Variants in MARCHF6 observed in about 807,000 individuals in gnomAD.
MARCHF6 encodes E3 ubiquitin-protein ligase MARCHF6.
In MARCHF6, 31 loss-of-function variants were observed where a neutral mutation model predicts 133.7. The ratio of observed to expected loss-of-function variants is 0.23; its 90% CI spans 0.17 to 0.31. The LOEUF (loss-of-function observed/expected upper bound fraction) is 0.31. MARCHF6 is among the 10% of genes least tolerant of loss of function. MARCHF6 has a pLI of 1.00. For synonymous variants in MARCHF6, 395 were observed against 402.5 expected, an observed-to-expected ratio of 0.98 and a Z score of 0.22; for missense variants, 723 against 1,121.6, an observed-to-expected ratio of 0.64 and a Z score of 5.08.
rs372771778 is a variant in MARCHF6, at chr5:10,378,724, A to G, written c.117-35A>G. 3.9e-4 allele frequency: 501 copies of G among 1,281,094 alleles called. 3 individuals carry two copies. The Middle Eastern group carries it at 8.2e-3, about 21-fold the overall frequency. The allele number at this position is 1,281,094 out of a possible 1,614,324, so 79.4% of individuals were successfully genotyped here. On this transcript the variant is annotated intron_variant, in intron 2 of 25. Coordinates refer to ENST00000274140, the MANE Select transcript of MARCHF6 (RefSeq NM_005885.4). The stretch of plus-strand genomic sequence containing the variant: ...CAAAACTGTAATGTTTCTTTGCTGT[A>G]AACACTGTACTTATGAATCTATTTA...
rs1200205068 is a variant in MARCHF6 at position 10,437,756 on chromosome 5, G to A, written c.*4072G>A. On this transcript the variant is annotated 3_prime_UTR_variant, in exon 26 of 26. Transcript: ENST00000274140. ...CTTAGGGTACCCAGACCAATTTTAT[G>A]TATATATATTCTGAAATGCTCCCTT... 1 of 152,160 alleles carries A rather than the reference G, an allele frequency of 6.6e-6. No individual in the cohort carries two copies. The highest frequency in any genetic ancestry group is 1.9e-4 in the East Asian group (1 of 5,196). 9.4% of individuals were successfully genotyped at this position (152,160 alleles called of 1,614,324 possible). A position where few individuals can be genotyped will look rare whatever the true frequency, so the allele number is the denominator to read the frequency against.
chr5:10,376,548 C>G (rs1233766614), intron 1 of MARCHF6, among the ~76,000 whole-genome samples: 2 of 152,150 alleles, frequency 1.3e-5, no homozygotes, highest in African/African-American at 4.8e-5. Context: ...TAATCAATAA[C>G]CAGGGAGATT....
intron 24 of MARCHF6, 38 bp from the exon 25 acceptor site, chr5:10,429,855 T>G: frequency 6.3e-7 from 1 of 1,579,312 alleles, no homozygotes; most frequent in Non-Finnish European, 8.7e-7. Flanking sequence ...CACTGTTATT[T>G]CACATACACT....
chr5:10,406,517 G>A (rs1486680529), intron 16 of MARCHF6, among the ~76,000 whole-genome samples: 2 of 151,488 alleles, frequency 1.3e-5, no homozygotes, highest in Non-Finnish European at 2.9e-5. Flanking sequence ...AGCCTCCCAA[G>A]TAGCTGGGAT....
Position 10,364,038 on chromosome 5 carries a change from G to A in MARCHF6, c.19+10121G>A, listed in dbSNP as rs974668030. On this transcript the variant is annotated intron_variant, in intron 1 of 25. Coordinates refer to ENST00000274140, the MANE Select transcript of MARCHF6 (RefSeq NM_005885.4). Reference sequence around the variant, plus strand: ...TCTAAAAGATTATGGTGATGGTTGCGTAACTGTAAATATACTTAAAACAAT... The same window carrying A: ...TCTAAAAGATTATGGTGATGGTTGCATAACTGTAAATATACTTAAAACAAT... Among the ~76,000 whole-genome samples the A allele has an allele frequency of 3.9e-5, 6 of 152,294 alleles. No individual in the cohort carries two copies. In the East Asian group the frequency reaches 5.8e-4, roughly 15 times the overall value.
rs1740736596 is a variant in MARCHF6, at chr5:10,438,615, C to T, written c.*4931C>T. 6.6e-6 allele frequency: 1 copy of T among 152,164 alleles called. No homozygotes were observed. The highest frequency in any genetic ancestry group is 1.5e-5 in the Non-Finnish European group (1 of 68,046). 9.4% of individuals were successfully genotyped at this position (152,164 alleles called of 1,614,324 possible). On this transcript the variant is annotated 3_prime_UTR_variant, in exon 26 of 26. Coordinates refer to ENST00000274140, the MANE Select transcript of MARCHF6 (RefSeq NM_005885.4). ...GAGAGGGTAACGTTCCCCTCCTCCT[C>T]CATGTTTTTATTTTGGTGTCTGTTT...
chr5:10,407,295 A>G (rs887407445), intron 17 of MARCHF6, 93 bp downstream of exon 17: 3 of 526,796 alleles, frequency 5.7e-6, no homozygotes, highest in Non-Finnish European at 9.6e-6. Context: ...CATTTCTTAT[A>G]GTTACTGGAA....
In MARCHF6 at chr5:10,397,622, T is replaced by C. The variant is rs557700885; in HGVS notation, c.913+278T>C. 3.9e-5 allele frequency among the ~76,000 whole-genome samples: 6 copies of C among 152,210 alleles called. No individual in the cohort carries two copies. The South Asian group carries it at 1.0e-3, about 26-fold the overall frequency. ...CTGGTTTTAGACCGACTTGAAAATA[T>C]ACAGTTTCCCATTTCTGGAATTAGT... On this transcript the variant is annotated intron_variant, in intron 10 of 25. Coordinates refer to ENST00000274140, the MANE Select transcript of MARCHF6 (RefSeq NM_005885.4).
intron 6 of MARCHF6, 91 bp downstream of exon 6, chr5:10,390,591 C>A: frequency 8.4e-7 from 1 of 1,197,422 alleles, no homozygotes; most frequent in South Asian, 1.5e-5. Flanking sequence ...CTTCCATGTC[C>A]CTCATAAACA....
intron 4 of MARCHF6, among the ~76,000 whole-genome samples, chr5:10,386,739 A>C (rs1737503680): frequency 6.6e-6 from 1 of 152,234 alleles, no homozygotes; most frequent in South Asian, 2.1e-4. Flanking sequence ...AAGCTCATTC[A>C]ATAAAAAAAA....
At chr5:10,394,912 G>A in intron 9 of MARCHF6, 127 bp downstream of exon 9, 1 of 574,932 alleles carries the variant, frequency 1.7e-6, no homozygotes, top group South Asian at 2.0e-5. Context: ...CCATTCTCCT[G>A]CCTCAGCTTT....
At chr5:10,357,673 T>C (rs1273743326) in intron 1 of MARCHF6, among the ~76,000 whole-genome samples, 2 of 152,222 alleles carry the variant, frequency 1.3e-5, no homozygotes, top group African/African-American at 4.8e-5. Flanking sequence ...TGCATGTTTC[T>C]TACCACGCAT....
chr5:10,399,984 G>GT (rs1738427250), intron 10 of MARCHF6, among the ~76,000 whole-genome samples: 1 of 152,070 alleles, frequency 6.6e-6, no homozygotes, highest in African/African-American at 2.4e-5. Context: ...AGATCTAAGG[G>GT]CCTTATTAGA....
intron 14 of MARCHF6, 142 bp from the exon 15 acceptor site, chr5:10,403,265 C>T (rs564985665): frequency 1.1e-5 from 8 of 702,528 alleles, no homozygotes; most frequent in East Asian, 2.7e-5. Context: ...TCTGTGACAC[C>T]GTGGAATGAC....
At chr5:10,373,420 G>A (rs887884869) in intron 1 of MARCHF6, among the ~76,000 whole-genome samples, 12 of 152,230 alleles carry the variant, frequency 7.9e-5, no homozygotes, top group Admixed American at 7.8e-4. Flanking sequence ...AGTGTGCCCT[G>A]GAGTTTGCCA....
intron 25 of MARCHF6, among the ~76,000 whole-genome samples, chr5:10,432,933 C>A: frequency 6.9e-6 from 1 of 144,550 alleles, no homozygotes; most frequent in Non-Finnish European, 1.5e-5. Context: ...GACGGAGTCA[C>A]ACTCTGTCAC....
chr5:10,398,682 C>G lies in MARCHF6; in HGVS notation c.913+1338C>G, dbSNP rs183255847. Among the ~76,000 whole-genome samples, 160 of 152,038 alleles carry G rather than the reference C, an allele frequency of 1.1e-3. 1 individual carries two copies. Among genetic ancestry groups the G allele is most frequent in the African/African-American group, 3.8e-3 (157 of 41,496 alleles). ...AATTAATGTTTGGAGAACCAGGTCA[C>G]ATTTAAAACATGAATTATACAAATA... On this transcript the variant is annotated intron_variant, in intron 10 of 25. Coordinates refer to ENST00000274140, the MANE Select transcript of MARCHF6 (RefSeq NM_005885.4).
chr5:10,359,769 C>T (rs1012864855), intron 1 of MARCHF6, among the ~76,000 whole-genome samples: 8 of 152,238 alleles, frequency 5.3e-5, no homozygotes, highest in Middle Eastern at 3.4e-3. Flanking sequence ...CTTTCGGAGG[C>T]GGTGGCAGGC....
intron 24 of MARCHF6, among the ~76,000 whole-genome samples, chr5:10,427,033 A>G (rs1029646502): frequency 6.6e-6 from 1 of 152,162 alleles, no homozygotes; most frequent in African/African-American, 2.4e-5. Context: ...TTCCTTCCCA[A>G]ATCTTTTTCT....
Sources: gnomAD v4.1 joint callset for allele counts (sites outside exome capture counted in the v4.1 genomes callset) on GRCh38, gnomAD v4.1.1 for gene constraint, MANE v1.5 for transcripts, NCBI Gene and HGNC (gene_info 2026-07-23, HGNC 2026-07-21) for gene names.